SYN3: variants seen among roughly 807,000 people sequenced by gnomAD.
The protein encoded by SYN3 is synapsin III, also known as synapsin-3.
Under a neutral mutation model 65.8 loss-of-function variants are expected in SYN3, and 35 were observed. The observed-to-expected ratio is 0.53, with a 90% CI of 0.41 to 0.70. SYN3 has a LOEUF of 0.70. SYN3 is among the 30% of genes least tolerant of loss of function. SYN3 has a pLI of 0.00. For synonymous variants in SYN3, 270 were observed against 292.9 expected (o/e 0.92, Z 0.80); for missense variants, 680 against 749.0 (o/e 0.91, Z 1.08).
chr22:32,977,341 G>A (rs73162032), intron 3 of SYN3, among the ~76,000 whole-genome samples: 25,191 of 152,126 alleles, frequency 0.17, 2,656 homozygotes, highest in Non-Finnish European at 0.23. Context: ...AAGATAAAAG[G>A]GGAAAATTAA....
At chr22:32,639,113 C>T (rs1056100539) in intron 6 of SYN3, among the ~76,000 whole-genome samples, 20 of 152,232 alleles carry the variant, frequency 1.3e-4, no homozygotes, top group Non-Finnish European at 2.1e-4. Context: ...GCCACCACCC[C>T]GGCTAATTTT....
chr22:32,708,428 C>A (rs576846848), intron 6 of SYN3, among the ~76,000 whole-genome samples: 117 of 152,286 alleles, frequency 7.7e-4, no homozygotes, highest in Admixed American at 7.6e-3. Context: ...CTGACAACCC[C>A]GTGCAGGAGG....
chr22:32,604,821 C>T (rs144192799), intron 6 of SYN3, among the ~76,000 whole-genome samples: 1,902 of 151,820 alleles, frequency 0.013, 39 homozygotes, highest in African/African-American at 0.04. Context: ...CTGGCTAACA[C>T]GGTGAAACCC....
At chr22:32,874,810 C>G (rs2048940405) in intron 4 of SYN3, among the ~76,000 whole-genome samples, 1 of 152,182 alleles carries the variant, frequency 6.6e-6, no homozygotes, top group Non-Finnish European at 1.5e-5. Context: ...GGCAAAGAGA[C>G]TTCACGTTTT....
At chr22:32,995,529 A>T (rs565152640) in intron 2 of SYN3, among the ~76,000 whole-genome samples, 2 of 152,072 alleles carry the variant, frequency 1.3e-5, no homozygotes, top group African/African-American at 4.8e-5. Context: ...TTCACCCCCC[A>T]TCCTTCCTCC....
chr22:32,968,114 G>A (rs1424138270), intron 3 of SYN3, among the ~76,000 whole-genome samples: 1 of 152,214 alleles, frequency 6.6e-6, no homozygotes, highest in Admixed American at 6.5e-5. Flanking sequence ...AGAAATGCCA[G>A]CTGAAACACA....
chr22:32,943,115 G>A (rs1169711559), intron 3 of SYN3, among the ~76,000 whole-genome samples: 1 of 152,192 alleles, frequency 6.6e-6, no homozygotes, highest in Non-Finnish European at 1.5e-5. Context: ...GATACTCCTC[G>A]AGAAGAGCAA....
Position 32,848,522 on chromosome 22 carries a change from G to A in SYN3, c.711+16393C>T, listed in dbSNP as rs569380047. 2.0e-5 allele frequency among the ~76,000 whole-genome samples: 3 copies of A among 152,284 alleles called. No individual in the cohort carries two copies. The South Asian group carries it at 6.2e-4, about 32-fold the overall frequency. ...GTGAAATGTACATGGCACATAGTAGGTGTGCAATAAATGGGAGCTGTTTTC... is the reference window on the plus strand; with the variant it reads ...GTGAAATGTACATGGCACATAGTAGATGTGCAATAAATGGGAGCTGTTTTC... On this transcript the variant is annotated intron_variant, in intron 6 of 13. Coordinates refer to ENST00000358763, the MANE Select transcript of SYN3 (RefSeq NM_003490.4).
At chr22:32,881,544 C>A (rs781183943) in intron 4 of SYN3, among the ~76,000 whole-genome samples, 58 of 152,256 alleles carry the variant, frequency 3.8e-4, no homozygotes, top group Non-Finnish European at 7.4e-4. Context: ...CTGCCTGGGC[C>A]ACAGCCCTAA....
At chr22:32,538,645 A>G (rs1169357969) in intron 8 of SYN3, among the ~76,000 whole-genome samples, 1 of 152,008 alleles carries the variant, frequency 6.6e-6, no homozygotes, top group East Asian at 1.9e-4. Context: ...CTCTTTCCCA[A>G]TGTCATGGCC....
At chr22:32,792,844 G>C (rs1555962575) in intron 6 of SYN3, among the ~76,000 whole-genome samples, 2 of 152,196 alleles carry the variant, frequency 1.3e-5, no homozygotes, top group Non-Finnish European at 2.9e-5. Context: ...ATGCCCCAAT[G>C]AACGTGTGGG....
chr22:32,862,721 G>A (rs540193577), intron 6 of SYN3: 7 of 152,470 alleles, frequency 4.6e-5, no homozygotes, highest in African/African-American at 1.7e-4. Context: ...TTGGAGGCGA[G>A]AGGAAGGGGA....
intron 10 of SYN3, among the ~76,000 whole-genome samples, chr22:32,532,758 C>T (rs985138900): frequency 2.6e-5 from 4 of 152,176 alleles, no homozygotes; most frequent in African/African-American, 9.7e-5. Flanking sequence ...CCTGTGGTCA[C>T]CCCAGCCATG....
At chr22:32,834,414 T>C (rs1309607829) in intron 6 of SYN3, among the ~76,000 whole-genome samples, 6 of 152,184 alleles carry the variant, frequency 3.9e-5, no homozygotes, top group Admixed American at 3.9e-4. Context: ...CAGCCTGCCT[T>C]GGCCTCCCAA....
intron 6 of SYN3, among the ~76,000 whole-genome samples, chr22:32,600,512 C>T (rs2146612528): frequency 6.6e-6 from 1 of 152,292 alleles, no homozygotes; most frequent in East Asian, 1.9e-4. Context: ...AAATGAGGCT[C>T]TGACCAGGGT....
chr22:33,008,512 T>C (rs2053255627), intron 1 of SYN3, among the ~76,000 whole-genome samples: 1 of 152,202 alleles, frequency 6.6e-6, no homozygotes, highest in Admixed American at 6.5e-5. Context: ...CTTCCCTCAA[T>C]GGTTCTGAGA....
intron 6 of SYN3, among the ~76,000 whole-genome samples, chr22:32,639,598 T>C (rs1183269733): frequency 3.3e-5 from 5 of 152,170 alleles, no homozygotes; most frequent in Non-Finnish European, 7.4e-5. Context: ...AGTGTGATCA[T>C]GGCTCAGTGG....
In SYN3 at chr22:32,569,037, A is replaced by G. The variant is rs192023335; in HGVS notation, c.775-27324T>C. 3.9e-5 allele frequency among the ~76,000 whole-genome samples: 6 copies of G among 152,280 alleles called. No individual in the cohort carries two copies. In the East Asian group the frequency reaches 1.2e-3, roughly 29 times the overall value. ...AGAAATTTTGCAGGCAGCACAATGC[A>G]AGTATATAGATGACGGGGTCAGGAT... On this transcript the variant is annotated intron_variant, in intron 7 of 13. Transcript: ENST00000358763.
At chr22:32,796,838 T>A (rs1460627154) in intron 6 of SYN3, among the ~76,000 whole-genome samples, 1 of 152,150 alleles carries the variant, frequency 6.6e-6, no homozygotes, top group Admixed American at 6.5e-5. Context: ...CCTGGAAGAC[T>A]GGGACTGTGG....
Sources: allele counts gnomAD v4.1 joint callset (sites outside exome capture counted in the v4.1 genomes callset), GRCh38; gene constraint gnomAD v4.1.1; transcripts MANE v1.5; gene names NCBI Gene and HGNC (gene_info 2026-07-23, HGNC 2026-07-21).